The following PTPRD variants were observed in gnomAD, a reference collection of about 807,000 sequenced individuals.
PTPRD encodes the protein protein tyrosine phosphatase receptor type D.
A neutral mutation model predicts 214.5 loss-of-function variants in PTPRD; 34 were observed. That is an observed-to-expected ratio of 0.16 (90% CI 0.12 to 0.21). The LOEUF is 0.21. Among genes scored for constraint, PTPRD ranks in the 10% least tolerant of loss-of-function variants. The pLI is 1.00. For synonymous variants in PTPRD, 1,128 were observed against 845.7 expected (o/e 1.33, Z -5.79); for missense variants, 2,545 against 2,398.7 (o/e 1.06, Z -1.27).
intron 11 of PTPRD, among the ~76,000 whole-genome samples, chr9:8,771,857 A>G (rs2095237155): frequency 6.6e-6 from 1 of 152,166 alleles, no homozygotes; most frequent in Non-Finnish European, 1.5e-5. Flanking sequence ...GTCATTTACT[A>G]ACATCATCTT....
chr9:8,898,222 C>T (rs1486062282), intron 11 of PTPRD, among the ~76,000 whole-genome samples: 4 of 152,008 alleles, frequency 2.6e-5, no homozygotes, highest in Admixed American at 2.0e-4. Context: ...AGGATGTGTG[C>T]CTCTCAGTGG....
intron 6 of PTPRD, 73 bp from the exon 7 acceptor site, chr9:9,734,644 C>G (rs931595195): frequency 2.0e-5 from 3 of 151,976 alleles, no homozygotes; most frequent in Non-Finnish European, 2.9e-5. Context: ...CAATAAAATG[C>G]TATAATTCTA....
intron 12 of PTPRD, among the ~76,000 whole-genome samples, chr9:8,712,518 T>G (rs1298676810): frequency 1.3e-5 from 2 of 151,784 alleles, no homozygotes; most frequent in Admixed American, 1.3e-4. Context: ...AGTGTGAAAG[T>G]GGACAGATAC....
rs2099508464 is a variant in PTPRD, at chr9:9,010,757, C to T, written c.-104+7940G>A. 3.3e-5 allele frequency among the ~76,000 whole-genome samples: 5 copies of T among 152,208 alleles called. No homozygotes were observed. In the South Asian group the frequency reaches 1.0e-3, roughly 32 times the overall value. ...TAAATAGTCAATTTATTAAGCTCTC[C>T]TCTATTAAGAACACTCTTTTTGAGT... On this transcript the variant is annotated intron_variant, in intron 11 of 45. Coordinates refer to ENST00000381196, the MANE Select transcript of PTPRD (RefSeq NM_002839.4).
chr9:8,675,230 T>C (rs2154367325), intron 12 of PTPRD, among the ~76,000 whole-genome samples: 1 of 152,184 alleles, frequency 6.6e-6, no homozygotes, highest in Admixed American at 6.5e-5. Flanking sequence ...TCTTTGAGGA[T>C]GTTGCCCTCT....
Position 8,362,489 on chromosome 9 carries a change from CA to C in PTPRD, c.4661+13446del, listed in dbSNP as rs1239457057. On this transcript the variant is annotated intron_variant, in intron 39 of 45. Coordinates refer to ENST00000381196, the MANE Select transcript of PTPRD (RefSeq NM_002839.4). ...TGTAACATGATTGGTTATGGTTTTT[CA>C]AATCTAAGTAGCAAGCATGAGTCCA... Among the ~76,000 whole-genome samples, 18 of 152,238 alleles carry C rather than the reference CA, an allele frequency of 1.2e-4. No homozygotes were observed. In the East Asian group the frequency reaches 3.5e-3, roughly 29 times the overall value.
chr9:10,097,931 G>A (rs1364003410), intron 3 of PTPRD, among the ~76,000 whole-genome samples: 1 of 151,840 alleles, frequency 6.6e-6, no homozygotes, highest in Non-Finnish European at 1.5e-5. Context: ...GGAAGTCGGT[G>A]TAGCGATTCC....
At chr9:8,332,002 G>C (rs992978461) in intron 43 of PTPRD, among the ~76,000 whole-genome samples, 2 of 151,942 alleles carry the variant, frequency 1.3e-5, no homozygotes, top group African/African-American at 2.4e-5. Flanking sequence ...CCTGGTTCTC[G>C]TTAGTAGCCA....
chr9:9,857,071 C>T (rs79416080), intron 5 of PTPRD, among the ~76,000 whole-genome samples: 3,102 of 152,178 alleles, frequency 0.02, 56 homozygotes, highest in Non-Finnish European at 0.032. Context: ...TAGCTTTGTG[C>T]GGGCCCCGGG....
rs193101631 is a variant in PTPRD, at chr9:9,739,593, G to C, written c.-325-5022C>G. On this transcript the variant is annotated intron_variant, in intron 6 of 45. Coordinates refer to ENST00000381196, the MANE Select transcript of PTPRD (RefSeq NM_002839.4). The stretch of plus-strand genomic sequence containing the variant: ...TTGAATCCTCTATTTTTTTTACTTG[G>C]CAAGTTGCATCACTGTCACTTTCAT... 9.1e-3 allele frequency among the ~76,000 whole-genome samples: 1,363 copies of C among 150,032 alleles called. 8 individuals carry two copies. Among genetic ancestry groups the C allele is most frequent in the Non-Finnish European group, 0.014 (959 of 67,530 alleles).
chr9:9,379,300 A>C (rs1371777308), intron 9 of PTPRD, among the ~76,000 whole-genome samples: 5 of 150,504 alleles, frequency 3.3e-5, no homozygotes, highest in Non-Finnish European at 7.4e-5. Flanking sequence ...GATTATCTTT[A>C]CTCCATTGTA....
At chr9:9,865,672 T>G (rs2063781815) in intron 5 of PTPRD, among the ~76,000 whole-genome samples, 1 of 152,212 alleles carries the variant, frequency 6.6e-6, no homozygotes, top group South Asian at 2.1e-4. Context: ...AAGTTCTCTG[T>G]AATTACCATC....
At chr9:8,955,608 GTTTTTTA>G (rs780302707) in intron 11 of PTPRD, among the ~76,000 whole-genome samples, 117 of 151,726 alleles carry the variant, frequency 7.7e-4, no homozygotes, top group African/African-American at 1.4e-3. Context: ...GGCTATTTCT[GTTTTTTA>G]TTTTTTATTT....
At chr9:9,234,155 T>G (rs2099965000) in intron 9 of PTPRD, among the ~76,000 whole-genome samples, 1 of 152,150 alleles carries the variant, frequency 6.6e-6, no homozygotes, top group Non-Finnish European at 1.5e-5. Flanking sequence ...GAAATCTAGG[T>G]GGAGGTTCCC....
chr9:9,287,933 T>C (rs1950028891), intron 9 of PTPRD, among the ~76,000 whole-genome samples: 1 of 151,766 alleles, frequency 6.6e-6, no homozygotes, highest in Non-Finnish European at 1.5e-5. Context: ...TTTTTTTTTT[T>C]CAATTTTAAT....
At chr9:10,053,897 T>G (rs1257890319) in intron 3 of PTPRD, among the ~76,000 whole-genome samples, 1 of 152,044 alleles carries the variant, frequency 6.6e-6, no homozygotes, top group East Asian at 1.9e-4. Context: ...TAGCGGGGAT[T>G]ACAGGTGTAC....
At chr9:8,558,354 G>A (rs1360083600) in intron 14 of PTPRD, among the ~76,000 whole-genome samples, 1 of 152,098 alleles carries the variant, frequency 6.6e-6, no homozygotes, top group East Asian at 1.9e-4. Flanking sequence ...TTTCCTAATA[G>A]TGATTCATCA....
At chr9:8,775,214 A>C (rs1385117477) in intron 11 of PTPRD, among the ~76,000 whole-genome samples, 2 of 152,196 alleles carry the variant, frequency 1.3e-5, no homozygotes, top group Non-Finnish European at 2.9e-5. Flanking sequence ...ATAATTTTTA[A>C]AAACAACATT....
intron 9 of PTPRD, among the ~76,000 whole-genome samples, chr9:9,260,338 A>G (rs1468086145): frequency 3.3e-5 from 5 of 151,870 alleles, no homozygotes; most frequent in South Asian, 2.1e-4. Context: ...GGGACTGACT[A>G]TATTAAATCA....
Sources: allele counts gnomAD v4.1 joint callset (sites outside exome capture counted in the v4.1 genomes callset), GRCh38; gene constraint gnomAD v4.1.1; transcripts MANE v1.5; gene names NCBI Gene and HGNC (gene_info 2026-07-23, HGNC 2026-07-21).